The following DNAI1 variants were observed in gnomAD, a reference collection of about 807,000 sequenced individuals.
The protein encoded by DNAI1 is dynein, axonemal, intermediate polypeptide 1.
DNAI1 carries 67 observed loss-of-function variants against 92.0 expected under a neutral mutation model. The ratio of observed to expected loss-of-function variants is 0.73; its 90% confidence interval spans 0.60 to 0.89. The LOEUF (loss-of-function observed/expected upper bound fraction) is 0.89. DNAI1 is among the 40% of genes least tolerant of loss of function. The probability of loss-of-function intolerance (pLI) is 0.00; values close to 1 mark genes in which losing one functional copy is unlikely to be tolerated. For synonymous variants in DNAI1, 323 were observed against 319.6 expected (o/e 1.01, Z -0.11); for missense variants, 839 against 866.6 (o/e 0.97, Z 0.40).
chr9:34,474,863 G>A (rs151140152), intron 1 of DNAI1, among the ~76,000 whole-genome samples: 66 of 152,182 alleles, frequency 4.3e-4, no homozygotes, highest in African/African-American at 1.4e-3. Flanking sequence ...CACCGTGTCC[G>A]GCAAGGTGTG....
intron 1 of DNAI1, among the ~76,000 whole-genome samples, chr9:34,460,573 G>A (rs199962710): frequency 1.6e-5 from 2 of 123,708 alleles, no homozygotes; most frequent in Admixed American, 1.7e-4. Context: ...TTTTATGTTG[G>A]GGTTGGGCTT....
chr9:34,490,603 A>G lies in DNAI1; in HGVS notation c.621+115A>G, dbSNP rs920650253. On this transcript the variant is annotated intron_variant, in intron 7 of 19. Transcript: ENST00000242317. ...AGCCTGGCAGGGGTGACAGGACAACAGATGCTACAGCTTATCTCCCCAAGG... is the reference window on the plus strand; with the variant it reads ...AGCCTGGCAGGGGTGACAGGACAACGGATGCTACAGCTTATCTCCCCAAGG... The G allele has an allele frequency of 2.8e-6, 4 of 1,405,156 alleles. No individual in the cohort carries two copies. The African/African-American group carries it at 5.7e-5, about 20-fold the overall frequency. 87.0% of individuals were successfully genotyped at this position (1,405,156 alleles called of 1,614,324 possible).
chr9:34,496,598 T>C (rs1263953303), intron 9 of DNAI1, among the ~76,000 whole-genome samples: 1 of 152,204 alleles, frequency 6.6e-6, no homozygotes, highest in African/African-American at 2.4e-5. Context: ...TTGTACTCCA[T>C]GTATGTAAGC....
At position 34,506,663 on chromosome 9, in the gene DNAI1, T is replaced by C; in HGVS notation, c.1100T>C (p.Leu367Pro). 1 of 1,614,166 alleles carries C rather than the reference T, an allele frequency of 6.2e-7. No individual in the cohort carries two copies. The highest frequency in any genetic ancestry group is 1.1e-5 in the South Asian group (1 of 91,078). The change falls in exon 13 of 20, where the codon CTC becomes CCC. Residue 367 changes from leucine to proline, a missense_variant. Coordinates refer to ENST00000242317, the MANE Select transcript of DNAI1 (RefSeq NM_012144.4). ...AAGCAGAGCCGGGGCATGCTGCTGC[T>C]CTACAGCCTGAAGAACCCCAGCTTC... ...FMKQSRGMLL[L>P]YSLKNPSFPE...
Position 34,490,105 on chromosome 9 carries a change from C to T in DNAI1, c.482C>T (p.Thr161Ile). Residue 161 changes from threonine (T) to isoleucine (I), a missense_variant, in exon 6 of 20, where the codon ACA becomes ATA. Thr to Ile is a moderately conservative substitution (Grantham distance 89). Coordinates refer to ENST00000242317, the MANE Select transcript of DNAI1 (RefSeq NM_012144.4). ...TTAGAAACTGAGCCTGGGAGTCAAA[C>T]AGATGTGCCTGCAGCTGGGGTACAG... ...KELETEPGSQTDVPAAGAAEK... is the reference protein window; with the variant it reads ...KELETEPGSQIDVPAAGAAEK... 6.2e-7 allele frequency: 1 copy of T among 1,614,026 alleles called. No homozygotes were observed. Among genetic ancestry groups the T allele is most frequent in the Non-Finnish European group, 8.5e-7 (1 of 1,180,000 alleles).
chr9:34,468,253 C>G (rs1824073594), intron 1 of DNAI1, among the ~76,000 whole-genome samples: 1 of 151,780 alleles, frequency 6.6e-6, no homozygotes, highest in Admixed American at 6.6e-5. Context: ...GCGATCTCGG[C>G]TCACTGCAAG....
rs534970041 is a variant in DNAI1 at position 34,514,325 on chromosome 9, C to T, written c.1570-69C>T. ...ACAGGAGTCTAAGGCTCTGATCCTC[C>T]AGACCCCCAGGGAAGTGGTGGCTGC... On this transcript the variant is annotated intron_variant, in intron 16 of 19. Coordinates refer to ENST00000242317, the MANE Select transcript of DNAI1 (RefSeq NM_012144.4). The T allele has an allele frequency of 1.1e-4, 178 of 1,589,562 alleles. 1 individual carries two copies. In the African/African-American group the frequency reaches 2.3e-3, roughly 21 times the overall value.
At chr9:34,510,284 C>A (rs73500855) in intron 13 of DNAI1, among the ~76,000 whole-genome samples, 1 of 152,174 alleles carries the variant, frequency 6.6e-6, no homozygotes, top group African/African-American at 2.4e-5. Flanking sequence ...CTCCAGGGAA[C>A]CTGCCTGAGT....
At chr9:34,473,466 A>G (rs1265056065) in intron 1 of DNAI1, among the ~76,000 whole-genome samples, 1 of 151,670 alleles carries the variant, frequency 6.6e-6, no homozygotes, top group African/African-American at 2.4e-5. Context: ...TAATTTTTGT[A>G]TTTTTAGTAG....
chr9:34,519,507 A>G (rs1825226757), intron 19 of DNAI1, among the ~76,000 whole-genome samples: 1 of 152,146 alleles, frequency 6.6e-6, no homozygotes, highest in East Asian at 1.9e-4. Flanking sequence ...AAGAGAGAGA[A>G]AAAGAGCTTT....
At chr9:34,474,503 C>T (rs956761501) in intron 1 of DNAI1, among the ~76,000 whole-genome samples, 3 of 149,652 alleles carry the variant, frequency 2.0e-5, no homozygotes, top group African/African-American at 4.9e-5. Context: ...TCCCAAAATG[C>T]TGGGAGTACA....
chr9:34,460,182 T>C (rs1823921904), intron 1 of DNAI1, among the ~76,000 whole-genome samples: 2 of 152,214 alleles, frequency 1.3e-5, no homozygotes, highest in Admixed American at 6.5e-5. Flanking sequence ...AGAGTTCTGC[T>C]TTCTTCCTCA....
chr9:34,500,910 T>G, intron 11 of DNAI1, 71 bp downstream of exon 11: 1 of 1,238,110 alleles, frequency 8.1e-7, no homozygotes, highest in Non-Finnish European at 1.2e-6. Flanking sequence ...CAGTACCCCC[T>G]TCTGCACTTA....
chr9:34,476,872 C>G (rs1323080183), intron 1 of DNAI1, among the ~76,000 whole-genome samples: 1 of 152,166 alleles, frequency 6.6e-6, no homozygotes, highest in Non-Finnish European at 1.5e-5. Flanking sequence ...GCTTACATGG[C>G]TCTTTCCTAC....
chr9:34,495,594 A>G (rs1406972409), intron 9 of DNAI1, among the ~76,000 whole-genome samples: 2 of 152,202 alleles, frequency 1.3e-5, no homozygotes, highest in African/African-American at 4.8e-5. Flanking sequence ...TTCATGACTG[A>G]TGGAGCTGGG....
intron 19 of DNAI1, 80 bp downstream of exon 19, chr9:34,517,547 G>T: frequency 6.4e-7 from 1 of 1,550,986 alleles, no homozygotes; most frequent in East Asian, 2.3e-5. Flanking sequence ...AGAAGCCAGG[G>T]TGACCACCCA....
intron 2 of DNAI1, among the ~76,000 whole-genome samples, chr9:34,483,897 A>G (rs1251679563): frequency 6.6e-6 from 1 of 152,214 alleles, no homozygotes; most frequent in African/African-American, 2.4e-5. Context: ...TTGTTCAACC[A>G]TGCCTCATTG....
At chr9:34,469,402 A>C (rs1159359798) in intron 1 of DNAI1, among the ~76,000 whole-genome samples, 1 of 150,778 alleles carries the variant, frequency 6.6e-6, no homozygotes, top group Non-Finnish European at 1.5e-5. Flanking sequence ...AGTAGCTGGG[A>C]CCACAGGCAT....
chr9:34,503,776 A>G (rs1199167057), intron 12 of DNAI1, among the ~76,000 whole-genome samples: 1 of 152,192 alleles, frequency 6.6e-6, no homozygotes, highest in Admixed American at 6.5e-5. Flanking sequence ...AGTGAGCACA[A>G]TAGGCTGCTT....
Sources: gnomAD v4.1 joint callset for allele counts (sites outside exome capture counted in the v4.1 genomes callset) on GRCh38, gnomAD v4.1.1 for gene constraint, MANE v1.5 for transcripts, NCBI Gene and HGNC (gene_info 2026-07-23, HGNC 2026-07-21) for gene names.